CADM2: variants seen among roughly 807,000 people sequenced by gnomAD.
CADM2 encodes the protein cell adhesion molecule 2.
Under a neutral mutation model 49.8 loss-of-function variants are expected in CADM2, and 12 were observed. The ratio of observed to expected loss-of-function variants is 0.24; its 90% CI spans 0.15 to 0.39. CADM2 has a LOEUF of 0.39. Ranked by LOEUF, CADM2 falls within the 10% of genes least tolerant of loss-of-function variation. CADM2 has a pLI of 1.00. For synonymous variants in CADM2, 214 were observed against 175.4 expected (o/e 1.22, Z -1.74); for missense variants, 378 against 492.3 (o/e 0.77, Z 2.20).
intron 1 of CADM2, among the ~76,000 whole-genome samples, chr3:85,691,469 C>A (rs528958597): frequency 6.6e-6 from 1 of 152,250 alleles, no homozygotes; most frequent in East Asian, 1.9e-4. Flanking sequence ...TGCAGAACAA[C>A]AACTACCCTA....
chr3:85,446,588 G>GT (rs1205413346), intron 1 of CADM2, among the ~76,000 whole-genome samples: 26 of 136,558 alleles, frequency 1.9e-4, no homozygotes, highest in African/African-American at 3.6e-4. Context: ...GTGTGTGTGA[G>GT]TTTTTTTTGT....
At chr3:85,805,950 G>T (rs373293695) in intron 3 of CADM2, among the ~76,000 whole-genome samples, 1 of 152,156 alleles carries the variant, frequency 6.6e-6, no homozygotes, top group East Asian at 1.9e-4. Flanking sequence ...GTTCTTAGCC[G>T]TAGCTACACA....
chr3:85,197,230 T>G (rs2041364988), intron 1 of CADM2, among the ~76,000 whole-genome samples: 1 of 151,898 alleles, frequency 6.6e-6, no homozygotes, highest in South Asian at 2.1e-4. Context: ...GACTTATTTC[T>G]AGTTAGAGGT....
At chr3:85,417,267 CAAAATCCTGTTTGG>C (rs1378982389) in intron 1 of CADM2, among the ~76,000 whole-genome samples, 2 of 152,074 alleles carry the variant, frequency 1.3e-5, no homozygotes, top group Non-Finnish European at 2.9e-5. Context: ...ATTTACTCTA[CAAAATCCTGTTTGG>C]AAATCCTGAA....
intron 8 of CADM2, among the ~76,000 whole-genome samples, chr3:86,009,202 T>G (rs1011882167): frequency 3.5e-5 from 3 of 85,222 alleles, no homozygotes; most frequent in Non-Finnish European, 6.3e-5. Flanking sequence ...TATGAATATA[T>G]ATGTGTATGT....
Position 85,217,756 on chromosome 3 carries a change from C to A in CADM2, c.61+258088C>A, listed in dbSNP as rs556188023. 5.9e-5 allele frequency among the ~76,000 whole-genome samples: 9 copies of A among 152,124 alleles called. No homozygotes were observed. The South Asian group carries it at 1.9e-3, about 32-fold the overall frequency. On this transcript the variant is annotated intron_variant, in intron 1 of 9. Transcript: ENST00000383699. ...AGTAGACTGTCTCATTCTCAATTTT[C>A]TTAAACCCCATAAGAAACTGGGTTT...
intron 2 of CADM2, among the ~76,000 whole-genome samples, chr3:85,741,676 A>T (rs573690764): frequency 6.6e-6 from 1 of 152,328 alleles, no homozygotes; most frequent in Admixed American, 6.5e-5. Flanking sequence ...CAGAAAAAAT[A>T]GTTGTCTCAC....
At chr3:84,995,468 A>T (rs2107193382) in intron 1 of CADM2, among the ~76,000 whole-genome samples, 1 of 152,310 alleles carries the variant, frequency 6.6e-6, no homozygotes, top group South Asian at 2.1e-4. Flanking sequence ...TCGCAACCAC[A>T]CTATAACGGA....
intron 1 of CADM2, among the ~76,000 whole-genome samples, chr3:85,028,809 T>G (rs569390737): frequency 1.3e-5 from 2 of 152,082 alleles, no homozygotes; most frequent in African/African-American, 4.8e-5. Context: ...TATCCTCCTA[T>G]CACTAATTTC....
At chr3:85,057,361 C>T (rs1428916731) in intron 1 of CADM2, among the ~76,000 whole-genome samples, 1 of 151,482 alleles carries the variant, frequency 6.6e-6, no homozygotes, top group Non-Finnish European at 1.5e-5. Flanking sequence ...CATTTTTAAA[C>T]AAATATTTTA....
At chr3:85,077,685 T>C (rs1326677466) in intron 1 of CADM2, among the ~76,000 whole-genome samples, 3 of 152,132 alleles carry the variant, frequency 2.0e-5, no homozygotes, top group Non-Finnish European at 4.4e-5. Context: ...TTAAACAGCT[T>C]AAAATACATT....
chr3:85,280,983 T>A (rs1406820803), intron 1 of CADM2, among the ~76,000 whole-genome samples: 1 of 151,872 alleles, frequency 6.6e-6, no homozygotes, highest in Non-Finnish European at 1.5e-5. Flanking sequence ...AGTACTCTAT[T>A]GTAGATAAGT....
chr3:85,113,766 T>A (rs900154305), intron 1 of CADM2, among the ~76,000 whole-genome samples: 1 of 151,560 alleles, frequency 6.6e-6, no homozygotes, highest in African/African-American at 2.4e-5. Context: ...TACATACTAT[T>A]GTGGAAAGGA....
intron 1 of CADM2, among the ~76,000 whole-genome samples, chr3:85,647,145 A>G (rs58879228): frequency 6.6e-6 from 1 of 151,542 alleles, no homozygotes; most frequent in Non-Finnish European, 1.5e-5. Flanking sequence ...TTCCCAAAAC[A>G]CTGCCCTTTA....
At chr3:85,213,136 G>C (rs889753633) in intron 1 of CADM2, among the ~76,000 whole-genome samples, 5 of 151,916 alleles carry the variant, frequency 3.3e-5, no homozygotes, top group Non-Finnish European at 7.4e-5. Context: ...GCCTACCTTG[G>C]CTGCCCAAAG....
chr3:85,399,219 T>G (rs1214447738), intron 1 of CADM2, among the ~76,000 whole-genome samples: 1 of 152,216 alleles, frequency 6.6e-6, no homozygotes, highest in East Asian at 1.9e-4. Context: ...GCTAGGCAGT[T>G]TCCCAGCACC....
chr3:85,206,073 G>T lies in CADM2; in HGVS notation c.61+246405G>T, dbSNP rs762296357. Among the ~76,000 whole-genome samples, 16 of 151,898 alleles carry T rather than the reference G, an allele frequency of 1.1e-4. 1 individual carries two copies. The highest frequency in any genetic ancestry group is 1.5e-5 in the Non-Finnish European group (1 of 67,970). On this transcript the variant is annotated intron_variant, in intron 1 of 9. Coordinates refer to ENST00000383699, the MANE Select transcript of CADM2 (RefSeq NM_001167675.2). ...GTGTGATATAATCAAAGAAGTTCCGGATGTTAAGTCAGGTAAACTGTTTTT... is the reference window on the plus strand; with the variant it reads ...GTGTGATATAATCAAAGAAGTTCCGTATGTTAAGTCAGGTAAACTGTTTTT...
chr3:85,421,393 T>A (rs559904536), intron 1 of CADM2, among the ~76,000 whole-genome samples: 57 of 152,308 alleles, frequency 3.7e-4, no homozygotes, highest in African/African-American at 1.3e-3. Context: ...GAATTTAAAT[T>A]ATGGTTGTCA....
At chr3:85,565,168 T>A (rs1242609171) in intron 1 of CADM2, among the ~76,000 whole-genome samples, 3 of 152,064 alleles carry the variant, frequency 2.0e-5, no homozygotes, top group Non-Finnish European at 4.4e-5. Context: ...TTATAACTGC[T>A]CATAGACTTG....
Sources: allele counts gnomAD v4.1 joint callset (sites outside exome capture counted in the v4.1 genomes callset), GRCh38; gene constraint gnomAD v4.1.1; transcripts MANE v1.5; gene names NCBI Gene and HGNC (gene_info 2026-07-23, HGNC 2026-07-21).